Variants in ARL16 observed in about 807,000 individuals in gnomAD.
The protein encoded by ARL16 is ADP-ribosylation factor-like protein 16.
In ARL16, 21 loss-of-function variants were observed where a neutral mutation model predicts 14.1. The ratio of observed to expected loss-of-function variants is 1.48; its 90% CI spans 1.05 to 2.14. ARL16 has a LOEUF of 2.14. Among genes scored for constraint, ARL16 ranks in the 30% most tolerant of loss-of-function variants. The probability of loss-of-function intolerance (pLI) is 0.00; values close to 1 mark genes in which losing one functional copy is unlikely to be tolerated. For synonymous variants in ARL16, 122 were observed against 91.8 expected, an observed-to-expected ratio of 1.33 and a Z score of -1.88; for missense variants, 248 against 222.0, an observed-to-expected ratio of 1.12 and a Z score of -0.74.
chr17:81,683,378 C>G, intron 2 of ARL16, 158 bp downstream of exon 2: 1 of 1,079,298 alleles, frequency 9.3e-7, no homozygotes, highest in Non-Finnish European at 1.3e-6. Flanking sequence ...CATCCCGCGC[C>G]AATTATCCTC....
chr17:81,683,790 G>C lies in ARL16; in HGVS notation c.-37C>G, dbSNP rs768014114. Reference sequence around the variant, plus strand: ...CTCCACCCGGCACCCGTAGCTCGGCGCCGCGGCTCAAGGCCCGCCCACCGG... The same window carrying C: ...CTCCACCCGGCACCCGTAGCTCGGCCCCGCGGCTCAAGGCCCGCCCACCGG... On this transcript the variant is annotated 5_prime_UTR_variant, in exon 1 of 5. Transcript: ENST00000622299. 1.2e-6 allele frequency: 2 copies of C among 1,605,404 alleles called. No homozygotes were observed. The highest frequency in any genetic ancestry group is 1.1e-5 in the South Asian group (1 of 91,036).
Position 81,681,803 on chromosome 17 carries a change from G to A in ARL16, c.427C>T (p.Gln143Ter). ...RLPDIIACAKQNITTAEISAR... is the reference protein window; with the variant it reads ...RLPDIIACAK ...CTGATTTCTGCCGTGGTGATGTTCT[G>A]CTTGGCACAAGCAATGATGTCTGGA... The change falls in exon 5 of 5, where the codon CAG becomes TAG. Residue 143 changes from glutamine to a stop codon, truncating the protein, a stop_gained. Transcript: ENST00000622299. LOFTEE classifies it low-confidence loss of function (END_TRUNC). The A allele has an allele frequency of 1.9e-6, 3 of 1,612,890 alleles. No individual in the cohort carries two copies. The highest frequency in any genetic ancestry group is 8.5e-7 in the Non-Finnish European group (1 of 1,179,666).
At chr17:81,683,509 A>G in intron 2 of ARL16, 27 bp downstream of exon 2, 1 of 1,541,154 alleles carries the variant, frequency 6.5e-7, no homozygotes, top group Non-Finnish European at 8.7e-7. Flanking sequence ...ACCCCCCGCA[A>G]CTCCACCCGC....
intron 2 of ARL16, 33 bp downstream of exon 2, chr17:81,683,503 C>G (rs964804970): frequency 1.3e-5 from 20 of 1,533,978 alleles, no homozygotes; most frequent in Non-Finnish European, 1.6e-5. Context: ...GAACTGACCC[C>G]CCGCAACTCC....
Position 81,683,713 on chromosome 17 carries a change from A to G in ARL16, c.41T>C (p.Leu14Pro), listed in dbSNP as rs747939330. ...LLGATGVGKT[L>P]LVKRLQEVSS... ...GATATCCTGCAGCCGTTTCACCAGC[A>G]GCGTCTTCCCGACGCCCGTGGCCCC... The change falls in exon 1 of 5, where the codon CTG becomes CCG. Residue 14 changes from leucine (L) to proline (P), a missense_variant. Coordinates refer to ENST00000622299, the MANE Select transcript of ARL16 (RefSeq NM_001040025.3). 3 of 1,607,082 alleles carry G rather than the reference A, an allele frequency of 1.9e-6. No homozygotes were observed. Among genetic ancestry groups the G allele is most frequent in the Non-Finnish European group, 8.5e-7 (1 of 1,177,938 alleles).
intron 3 of ARL16, chr17:81,682,765 T>A: frequency 1.8e-6 from 1 of 546,564 alleles, no homozygotes; most frequent in Non-Finnish European, 3.3e-6. Flanking sequence ...AAGTCTGTTC[T>A]CTGCGGAGCA....
intron 3 of ARL16, 179 bp from the exon 4 acceptor site, chr17:81,682,328 A>G: frequency 2.1e-6 from 1 of 480,062 alleles, no homozygotes; most frequent in Non-Finnish European, 3.8e-6. Flanking sequence ...CTCCGCCTCC[A>G]GGGTTCAGGG....
Position 81,682,120 on chromosome 17 carries a change from C to G in ARL16, c.264G>C (p.Gln88His), listed in dbSNP as rs769990034. Residue 88 changes from glutamine (Q) to histidine (H), a missense_variant, in exon 4 of 5, where the codon CAG becomes CAC. Physicochemically the swap from Gln to His is conservative, Grantham distance 24. Coordinates refer to ENST00000622299, the MANE Select transcript of ARL16 (RefSeq NM_001040025.3). ...LFVMDASDPT[Q>H]LSASCVQLLG... ...AGAGCTGCACACAGGATGCAGAGAG[C>G]TGGGTGGGGTCAGAGGCGTCCATCA... 13 of 1,612,228 alleles carry G rather than the reference C, an allele frequency of 8.1e-6. No individual in the cohort carries two copies. The South Asian group carries it at 1.3e-4, about 16-fold the overall frequency.
intron 1 of ARL16, 34 bp from the exon 2 acceptor site, chr17:81,683,628 G>A (rs770557358): frequency 9.4e-6 from 15 of 1,595,658 alleles, no homozygotes; most frequent in African/African-American, 2.7e-5. Context: ...GCAGCTAAAG[G>A]GTGAGTCCCC....
chr17:81,681,841 G>T lies in ARL16; in HGVS notation c.389C>A (p.Ser130Ter). ...PCYMSTEEMK[S>*]LIRLPDIIAC... ...AATGATGTCTGGAAGCCTGATTAATGACTTCATCTCCTCCGTGGACATGTA... is the reference window on the plus strand; with the variant it reads ...AATGATGTCTGGAAGCCTGATTAATTACTTCATCTCCTCCGTGGACATGTA... Residue 130 changes from serine to a stop codon, truncating the protein, a stop_gained, in exon 5 of 5, where the codon TCA becomes TAA. Coordinates refer to ENST00000622299, the MANE Select transcript of ARL16 (RefSeq NM_001040025.3). LOFTEE classifies it high-confidence loss of function. 1 of 1,613,120 alleles carries T rather than the reference G, an allele frequency of 6.2e-7. No individual in the cohort carries two copies. Among genetic ancestry groups the T allele is most frequent in the South Asian group, 1.1e-5 (1 of 90,994 alleles).
chr17:81,682,372 A>C (rs894564685), intron 3 of ARL16: 3 of 377,274 alleles, frequency 8.0e-6, no homozygotes, highest in Non-Finnish European at 9.7e-6. Flanking sequence ...CCTCCCAAGT[A>C]ACTGGGACTA....
In ARL16 at chr17:81,681,691, G is replaced by A; in HGVS notation, c.*17C>T. 4.4e-6 allele frequency: 7 copies of A among 1,583,854 alleles called. No individual in the cohort carries two copies. Among genetic ancestry groups the A allele is most frequent in the Non-Finnish European group, 6.0e-6 (7 of 1,166,408 alleles). On this transcript the variant is annotated 3_prime_UTR_variant, in exon 5 of 5. Transcript: ENST00000622299. ...CACCTCTCCCCAGCTCAGGCCAGCT[G>A]CGCCTCTGCCGTGCAGTCAATCGTT...
intron 4 of ARL16, 34 bp downstream of exon 4, chr17:81,682,000 C>T: frequency 6.3e-7 from 1 of 1,580,178 alleles, no homozygotes; most frequent in South Asian, 1.1e-5. Flanking sequence ...GCCCCCGCCC[C>T]CGCTGTGCTC....
At position 81,682,256 on chromosome 17, in the gene ARL16, A is replaced by T. The variant is rs142334305; in HGVS notation, c.235-107T>A. On this transcript the variant is annotated intron_variant, in intron 3 of 4. Transcript: ENST00000622299. Reference sequence around the variant, plus strand: ...GCAAAACTGCATTTTTTAATTAATTAATTTATTTTTTGAGACGAAGTCTCG... The same window carrying T: ...GCAAAACTGCATTTTTTAATTAATTTATTTATTTTTTGAGACGAAGTCTCG... 1.6e-3 allele frequency: 1,286 copies of T among 793,494 alleles called. 3 individuals carry two copies. The highest frequency in any genetic ancestry group is 2.9e-3 in the African/African-American group (163 of 55,780). The allele number at this position is 793,494 out of a possible 1,614,324, so 49.2% of individuals were successfully genotyped here. A position where few individuals can be genotyped will look rare whatever the true frequency, so the allele number is the denominator to read the frequency against.
intron 1 of ARL16, 39 bp downstream of exon 1, chr17:81,683,654 C>T (rs760762564): frequency 7.6e-6 from 12 of 1,586,242 alleles, no homozygotes; most frequent in Admixed American, 3.5e-5. Flanking sequence ...ACTCCGGGTG[C>T]CCCCCGCGCC....
intron 3 of ARL16, chr17:81,682,711 G>T (rs1045884505): frequency 2.9e-5 from 12 of 416,566 alleles, no homozygotes; most frequent in Non-Finnish European, 5.2e-5. Context: ...GTACGTATAA[G>T]TCCAACATAA....
chr17:81,683,783 G>A lies in ARL16; in HGVS notation c.-30C>T. 1 of 1,605,906 alleles carries A rather than the reference G, an allele frequency of 6.2e-7. No individual in the cohort carries two copies. The highest frequency in any genetic ancestry group is 8.5e-7 in the Non-Finnish European group (1 of 1,179,504). On this transcript the variant is annotated 5_prime_UTR_variant, in exon 1 of 5. Transcript: ENST00000622299. ...TGCTTCGCTCCACCCGGCACCCGTAGCTCGGCGCCGCGGCTCAAGGCCCGC... is the reference window on the plus strand; with the variant it reads ...TGCTTCGCTCCACCCGGCACCCGTAACTCGGCGCCGCGGCTCAAGGCCCGC...
chr17:81,681,680 T>A lies in ARL16; in HGVS notation c.*28A>T. On this transcript the variant is annotated 3_prime_UTR_variant, in exon 5 of 5. Transcript: ENST00000622299. Reference sequence around the variant, plus strand: ...CTGCCCTCTGCCACCTCTCCCCAGCTCAGGCCAGCTGCGCCTCTGCCGTGC... The same window carrying A: ...CTGCCCTCTGCCACCTCTCCCCAGCACAGGCCAGCTGCGCCTCTGCCGTGC... 6.4e-7 allele frequency: 1 copy of A among 1,567,194 alleles called. No homozygotes were observed. The highest frequency in any genetic ancestry group is 8.6e-7 in the Non-Finnish European group (1 of 1,157,842).
chr17:81,683,011 A>C lies in ARL16; in HGVS notation c.234+2T>G, dbSNP rs751079916. The stretch of plus-strand genomic sequence containing the variant: ...GGAAGCCCATATAGGATTACAACCC[A>C]CCAGGAGAGAACGGCAGTTTCCATA... On this transcript the variant is annotated splice_donor_variant, in intron 3 of 4. Transcript: ENST00000622299. LOFTEE classifies it high-confidence loss of function. 9 of 1,612,758 alleles carry C rather than the reference A, an allele frequency of 5.6e-6. No homozygotes were observed. Among genetic ancestry groups the C allele is most frequent in the Non-Finnish European group, 7.6e-6 (9 of 1,179,156 alleles).
Sources: gnomAD v4.1 joint callset for allele counts on GRCh38, gnomAD v4.1.1 for gene constraint, MANE v1.5 for transcripts, NCBI Gene and HGNC (gene_info 2026-07-23, HGNC 2026-07-21) for gene names.